FHOD3: variants seen among roughly 807,000 people sequenced by gnomAD.
FHOD3 encodes FH1/FH2 domain-containing protein 3.
Under a neutral mutation model 173.0 loss-of-function variants are expected in FHOD3, and 90 were observed. The ratio of observed to expected loss-of-function variants is 0.52; its 90% CI spans 0.44 to 0.62. FHOD3 has a LOEUF of 0.62. Ranked by LOEUF, FHOD3 falls within the 20% of genes least tolerant of loss-of-function variation. FHOD3 has a pLI of 0.00. For missense variants in FHOD3, 1,945 were observed against 2,034.7 expected (o/e 0.96, Z 0.85); for synonymous variants, 828 against 823.0 (o/e 1.01, Z -0.10).
intron 9 of FHOD3, among the ~76,000 whole-genome samples, chr18:36,618,753 C>T (rs1044114822): frequency 3.9e-5 from 6 of 152,208 alleles, no homozygotes; most frequent in African/African-American, 9.7e-5. Context: ...CCTCCCCTTC[C>T]TCTTCCTTTG....
intron 19 of FHOD3, among the ~76,000 whole-genome samples, chr18:36,725,116 C>G (rs2040991735): frequency 1.3e-5 from 2 of 152,234 alleles, no homozygotes; most frequent in Non-Finnish European, 2.9e-5. Context: ...AACCCCTAGT[C>G]TAGCATCCTG....
intron 1 of FHOD3, among the ~76,000 whole-genome samples, chr18:36,334,856 C>A (rs760754908): frequency 5.3e-5 from 8 of 151,892 alleles, no homozygotes; most frequent in Admixed American, 2.0e-4. Context: ...ATCGTCCTGT[C>A]TGCCCCTCTG....
chr18:36,524,274 T>G (rs2056410421), intron 5 of FHOD3, among the ~76,000 whole-genome samples: 1 of 137,232 alleles, frequency 7.3e-6, no homozygotes, highest in Non-Finnish European at 1.6e-5. Context: ...AGAGTGAGGC[T>G]CTACCTCAAA....
intron 13 of FHOD3, among the ~76,000 whole-genome samples, chr18:36,655,894 C>G (rs2036396067): frequency 6.6e-6 from 1 of 152,192 alleles, no homozygotes; most frequent in Non-Finnish European, 1.5e-5. Context: ...GAGGGAAAAA[C>G]ACATTCTGCT....
At chr18:36,600,104 G>A (rs1291827422) in intron 7 of FHOD3, among the ~76,000 whole-genome samples, 2 of 152,128 alleles carry the variant, frequency 1.3e-5, no homozygotes, top group Non-Finnish European at 2.9e-5. Context: ...TGTAAGGTAG[G>A]TACAGTCATC....
At position 36,509,300 on chromosome 18, in the gene FHOD3, G is replaced by A. The variant is rs143373223; in HGVS notation, c.406-3138G>A. ...AAATTAGCCGGGCATGGTGGCGGGC[G>A]CCTGTAGTCCCAGCTACTCGGGAGG... On this transcript the variant is annotated intron_variant, in intron 4 of 28. Transcript: ENST00000590592. 8.1e-3 allele frequency among the ~76,000 whole-genome samples: 1,233 copies of A among 152,142 alleles called. 13 individuals are homozygous for A. Among genetic ancestry groups the A allele is most frequent in the African/African-American group, 0.028 (1,143 of 41,484 alleles).
intron 14 of FHOD3, among the ~76,000 whole-genome samples, chr18:36,676,508 C>G (rs1001429300): frequency 1.3e-5 from 2 of 152,198 alleles, no homozygotes; most frequent in Admixed American, 1.3e-4. Context: ...ACATGTCTAT[C>G]TTCTTTATGC....
chr18:36,740,566 G>T (rs2041854236), intron 20 of FHOD3, 90 bp from the exon 21 acceptor site: 10 of 1,299,296 alleles, frequency 7.7e-6, no homozygotes, highest in Non-Finnish European at 1.1e-5. Flanking sequence ...TACCTGGTTG[G>T]AAAATTATAA....
Position 36,693,442 on chromosome 18 carries a change from G to C in FHOD3, c.2236+19G>C. On this transcript the variant is annotated intron_variant, in intron 17 of 28. Transcript: ENST00000590592. ...CCCCAAGGTGAGTACAGGGAGAGTA[G>C]AGGGAAAATGAACAGGTTAACATCA... 2.5e-6 allele frequency: 4 copies of C among 1,605,314 alleles called. No homozygotes were observed. The highest frequency in any genetic ancestry group is 3.4e-6 in the Non-Finnish European group (4 of 1,173,842).
At chr18:36,556,104 T>C (rs1189219769) in intron 5 of FHOD3, among the ~76,000 whole-genome samples, 1 of 152,196 alleles carries the variant, frequency 6.6e-6, no homozygotes, top group Admixed American at 6.5e-5. Flanking sequence ...ATCTGTACTT[T>C]GTTACATTTT....
intron 4 of FHOD3, among the ~76,000 whole-genome samples, chr18:36,505,396 T>C (rs1353143135): frequency 6.6e-6 from 1 of 152,202 alleles, no homozygotes; most frequent in African/African-American, 2.4e-5. Context: ...GTCGAAGTTC[T>C]GTGTGGAAAG....
At chr18:36,448,440 C>G (rs1306590877) in intron 3 of FHOD3, among the ~76,000 whole-genome samples, 2 of 152,176 alleles carry the variant, frequency 1.3e-5, no homozygotes, top group African/African-American at 2.4e-5. Context: ...CAGGCCCCCA[C>G]CAGCCCTGCC....
At chr18:36,713,000 T>C (rs1277755152) in intron 18 of FHOD3, among the ~76,000 whole-genome samples, 4 of 152,210 alleles carry the variant, frequency 2.6e-5, no homozygotes, top group Admixed American at 2.6e-4. Flanking sequence ...AACCGTCAAC[T>C]ATAAATTCTA....
chr18:36,675,153 A>G (rs537063), intron 14 of FHOD3, among the ~76,000 whole-genome samples: 73,223 of 151,810 alleles, frequency 0.48, 17,790 homozygotes, highest in East Asian at 0.56. Flanking sequence ...AGGCTGGCTA[A>G]TCATGTCCCC....
At chr18:36,405,114 A>G (rs957545359) in intron 3 of FHOD3, among the ~76,000 whole-genome samples, 4 of 152,160 alleles carry the variant, frequency 2.6e-5, no homozygotes, top group Non-Finnish European at 5.9e-5. Context: ...GCTTTACTTC[A>G]TTCCTTATTT....
chr18:36,517,368 C>A (rs12963838), intron 5 of FHOD3, among the ~76,000 whole-genome samples: 1 of 152,104 alleles, frequency 6.6e-6, no homozygotes, highest in African/African-American at 2.4e-5. Flanking sequence ...GGGGTTGTGA[C>A]GATGGAACCA....
intron 3 of FHOD3, among the ~76,000 whole-genome samples, chr18:36,424,656 T>C (rs2050151291): frequency 6.6e-6 from 1 of 152,240 alleles, no homozygotes; most frequent in Admixed American, 6.5e-5. Context: ...ATTAATGTTC[T>C]ATAATAAAGA....
intron 23 of FHOD3, among the ~76,000 whole-genome samples, chr18:36,745,631 G>C (rs886471063): frequency 2.0e-5 from 3 of 152,040 alleles, no homozygotes; most frequent in Non-Finnish European, 1.5e-5. Flanking sequence ...GGCCCTGCTC[G>C]TTGCCTCTGT....
chr18:36,330,838 A>AT (rs2044962033), intron 1 of FHOD3, among the ~76,000 whole-genome samples: 1 of 151,098 alleles, frequency 6.6e-6, no homozygotes, highest in South Asian at 2.1e-4. Flanking sequence ...TCTTTTTCTG[A>AT]TGAGTGAGTG....
Sources: gnomAD v4.1 joint callset for allele counts (sites outside exome capture counted in the v4.1 genomes callset) on GRCh38, gnomAD v4.1.1 for gene constraint, MANE v1.5 for transcripts, NCBI Gene and HGNC (gene_info 2026-07-23, HGNC 2026-07-21) for gene names.